Variants in AVL9 observed in about 807,000 individuals in gnomAD.
AVL9 encodes the protein late secretory pathway protein AVL9 homolog.
Under a neutral mutation model 79.2 loss-of-function variants are expected in AVL9, and 49 were observed. That is an observed-to-expected ratio of 0.62 (90% CI 0.49 to 0.79). The LOEUF (loss-of-function observed/expected upper bound fraction) is 0.79, where lower values mean the gene tolerates loss of function less well. Ranked by LOEUF, AVL9 falls within the 30% of genes least tolerant of loss-of-function variation. The probability of loss-of-function intolerance (pLI) is 0.00; values close to 1 mark genes in which losing one functional copy is unlikely to be tolerated. For missense variants in AVL9, 682 were observed against 776.8 expected (o/e 0.88, Z 1.45); for synonymous variants, 299 against 280.6 (o/e 1.07, Z -0.65).
chr7:32,586,443 C>T lies in AVL9; in HGVS notation c.*2536C>T, dbSNP rs140287826. The T allele has an allele frequency of 7.8e-6, 1 of 128,112 alleles. No homozygotes were observed. Among genetic ancestry groups the T allele is most frequent in the East Asian group, 2.3e-4 (1 of 4,432 alleles). The allele number at this position is 128,112 out of a possible 1,614,324, so 7.9% of individuals were successfully genotyped here. On this transcript the variant is annotated 3_prime_UTR_variant, in exon 16 of 16. Coordinates refer to ENST00000318709, the MANE Select transcript of AVL9 (RefSeq NM_015060.3). ...GCTCGCACAATCAAAGGCAGGAAGC[C>T]TCACCCCTGGTCCTGTGACCCCCCC...
intron 12 of AVL9, among the ~76,000 whole-genome samples, chr7:32,575,514 T>G (rs1791051359): frequency 8.9e-6 from 1 of 112,050 alleles, no homozygotes; most frequent in Admixed American, 1.1e-4. Flanking sequence ...TCATTCTTAA[T>G]CTTTTTTTTT....
chr7:32,506,355 C>G (rs894946684), intron 1 of AVL9, among the ~76,000 whole-genome samples: 3 of 152,076 alleles, frequency 2.0e-5, no homozygotes, highest in East Asian at 1.9e-4. Context: ...AAGAATTACT[C>G]AAACACAAGC....
intron 5 of AVL9, 122 bp downstream of exon 5, chr7:32,551,545 C>T (rs1326242666): frequency 9.6e-5 from 42 of 437,278 alleles, no homozygotes; most frequent in East Asian, 3.4e-5. Context: ...AATGTGAAAA[C>T]GCATTTGCAT....
chr7:32,508,684 T>A (rs1166416728), intron 1 of AVL9, among the ~76,000 whole-genome samples: 1 of 152,228 alleles, frequency 6.6e-6, no homozygotes, highest in Non-Finnish European at 1.5e-5. Context: ...AAATCATTAC[T>A]TACTCATTTG....
intron 1 of AVL9, among the ~76,000 whole-genome samples, chr7:32,508,833 T>C (rs1031490471): frequency 1.3e-5 from 2 of 152,242 alleles, no homozygotes; most frequent in Non-Finnish European, 2.9e-5. Context: ...TCTATTTTTC[T>C]ATGCTTGCAC....
chr7:32,528,615 G>T (rs1424766393), intron 1 of AVL9, among the ~76,000 whole-genome samples: 1 of 151,962 alleles, frequency 6.6e-6, no homozygotes, highest in Non-Finnish European at 1.5e-5. Context: ...GTCCACCGAG[G>T]CTCCCTTGGT....
chr7:32,565,520 T>C (rs1790521861), intron 10 of AVL9, among the ~76,000 whole-genome samples: 1 of 148,934 alleles, frequency 6.7e-6, no homozygotes, highest in Non-Finnish European at 1.5e-5. Context: ...GATCGTGCCA[T>C]TGCACTCCAG....
At chr7:32,532,203 G>C (rs1368046941) in intron 1 of AVL9, 1 of 152,188 alleles carries the variant, frequency 6.6e-6, no homozygotes, top group Non-Finnish European at 1.5e-5. Context: ...AGGCCATCAA[G>C]CTGTCCCTCT....
intron 1 of AVL9, among the ~76,000 whole-genome samples, chr7:32,542,338 G>A (rs1403223872): frequency 6.8e-6 from 1 of 146,282 alleles, no homozygotes; most frequent in African/African-American, 2.6e-5. Flanking sequence ...TCAGGAGTTC[G>A]AGACTAGCCT....
intron 3 of AVL9, among the ~76,000 whole-genome samples, chr7:32,548,439 C>T (rs931540849): frequency 2.6e-5 from 4 of 152,078 alleles, no homozygotes; most frequent in African/African-American, 9.7e-5. Flanking sequence ...TGAGCCATTG[C>T]TCTTGGCCTT....
At chr7:32,509,669 A>G (rs1839602) in intron 1 of AVL9, among the ~76,000 whole-genome samples, 151,761 of 152,158 alleles carry the variant, frequency 1, 75,686 homozygotes, top group Middle Eastern at 1. Context: ...GGCCAACATA[A>G]TGAAACCCCA....
intron 9 of AVL9, 53 bp downstream of exon 9, chr7:32,558,681 T>G: frequency 7.1e-7 from 1 of 1,415,546 alleles, no homozygotes. Flanking sequence ...TACTGGAACC[T>G]AAACTTTTAG....
chr7:32,557,454 T>G (rs370951039), intron 8 of AVL9, among the ~76,000 whole-genome samples: 18 of 152,342 alleles, frequency 1.2e-4, no homozygotes, highest in East Asian at 7.7e-4. Context: ...CTTTTTTTGT[T>G]TGTTCTTTTC....
chr7:32,546,666 T>C (rs970478466), intron 3 of AVL9, among the ~76,000 whole-genome samples: 2 of 151,396 alleles, frequency 1.3e-5, no homozygotes, highest in Non-Finnish European at 1.5e-5. Context: ...ACTAAAAATA[T>C]AAAAAAATTA....
At chr7:32,504,904 C>T (rs376299855) in intron 1 of AVL9, among the ~76,000 whole-genome samples, 98 of 152,066 alleles carry the variant, frequency 6.4e-4, no homozygotes, top group African/African-American at 2.1e-3. Context: ...GACGGAGTCT[C>T]GCTCTGTCAC....
At chr7:32,554,135 T>C (rs530643232) in intron 7 of AVL9, among the ~76,000 whole-genome samples, 1 of 152,330 alleles carries the variant, frequency 6.6e-6, no homozygotes, top group East Asian at 1.9e-4. Context: ...CAATAAAACA[T>C]CTATATATAC....
Position 32,579,512 on chromosome 7 carries a change from T to TTATATTATATATTATATATTATATATTA in AVL9, c.1689-683_1689-682insATTATATATTATATATTATATATTATAT, listed in dbSNP as rs1393742907. Among the ~76,000 whole-genome samples the TTATATTATATATTATATATTATATATTA allele has an allele frequency of 5.0e-4, 2 of 4,018 alleles. 1 individual carries two copies. Among genetic ancestry groups the TTATATTATATATTATATATTATATATTA allele is most frequent in the South Asian group, 0.026 (2 of 78 alleles). 2.6% of individuals were successfully genotyped at this position (4,018 alleles called of 152,430 possible). On this transcript the variant is annotated intron_variant, in intron 13 of 15. Transcript: ENST00000318709. ...TATATTACATATTATATATTATATATTATATTATATATTATATATTATATT... is the reference window on the plus strand; with the variant it reads ...TATATTACATATTATATATTATATATTATATTATATATTATATATTATATATTATATATTATATATTATATATTATATT...
intron 8 of AVL9, among the ~76,000 whole-genome samples, chr7:32,556,481 T>A (rs1370987521): frequency 1.3e-5 from 2 of 151,410 alleles, no homozygotes; most frequent in African/African-American, 4.9e-5. Context: ...ACCACTGCAC[T>A]CTAGCCTGGG....
chr7:32,531,910 G>A (rs1788674967), intron 1 of AVL9: 1 of 152,542 alleles, frequency 6.6e-6, no homozygotes, highest in African/African-American at 2.4e-5. Context: ...AACAGCTTAA[G>A]TGTTAACAGA....
Sources: allele counts gnomAD v4.1 joint callset (sites outside exome capture counted in the v4.1 genomes callset), GRCh38; gene constraint gnomAD v4.1.1; transcripts MANE v1.5; gene names NCBI Gene and HGNC (gene_info 2026-07-23, HGNC 2026-07-21).